CDH8: variants seen among roughly 807,000 people sequenced by gnomAD.
CDH8 encodes the protein cadherin 8.
In CDH8, 17 loss-of-function variants were observed where a neutral mutation model predicts 68.1. The ratio of observed to expected loss-of-function variants is 0.25; its 90% CI spans 0.17 to 0.37. The LOEUF is 0.37. Ranked by LOEUF, CDH8 falls within the 10% of genes least tolerant of loss-of-function variation. The probability of loss-of-function intolerance (pLI) is 1.00; values close to 1 mark genes in which losing one functional copy is unlikely to be tolerated. For missense variants in CDH8, 763 were observed against 999.3 expected (o/e 0.76, Z 3.19); for synonymous variants, 372 against 365.1 (o/e 1.02, Z -0.21).
intron 8 of CDH8, among the ~76,000 whole-genome samples, chr16:61,776,858 T>C (rs1344524675): frequency 6.6e-6 from 1 of 152,080 alleles, no homozygotes; most frequent in African/African-American, 2.4e-5. Flanking sequence ...TGTACTAGGC[T>C]TAATACTTCA....
chr16:61,847,406 T>C (rs989301725), intron 4 of CDH8, among the ~76,000 whole-genome samples: 18 of 151,798 alleles, frequency 1.2e-4, no homozygotes, highest in Non-Finnish European at 2.4e-4. Context: ...AGGAAACAAA[T>C]TGAGTATTTT....
intron 8 of CDH8, among the ~76,000 whole-genome samples, chr16:61,774,481 A>C (rs2142990019): frequency 6.6e-6 from 1 of 150,462 alleles, no homozygotes; most frequent in African/African-American, 2.4e-5. Flanking sequence ...AAAAAAAGAC[A>C]TAAAGATCCA....
chr16:62,033,280 C>A (rs1035619519), intron 1 of CDH8, among the ~76,000 whole-genome samples: 1 of 152,148 alleles, frequency 6.6e-6, no homozygotes, highest in African/African-American at 2.4e-5. Flanking sequence ...CTGTGTTGAC[C>A]ACAGTTCTAC....
intron 2 of CDH8, among the ~76,000 whole-genome samples, chr16:61,929,447 T>C (rs1381272539): frequency 6.6e-6 from 1 of 152,128 alleles, no homozygotes; most frequent in Non-Finnish European, 1.5e-5. Flanking sequence ...TCAGAAAGGG[T>C]TGGCTGTTCG....
intron 8 of CDH8, among the ~76,000 whole-genome samples, chr16:61,782,494 C>A (rs1167830523): frequency 6.6e-6 from 1 of 152,086 alleles, no homozygotes; most frequent in Non-Finnish European, 1.5e-5. Context: ...AACTGCAAGG[C>A]AGCAGCGAGG....
chr16:61,959,757 A>G (rs1455030137), intron 2 of CDH8, among the ~76,000 whole-genome samples: 2 of 150,076 alleles, frequency 1.3e-5, no homozygotes, highest in African/African-American at 2.5e-5. Context: ...CTATATATCT[A>G]TATATACACA....
chr16:61,680,451 A>C (rs1185430368), intron 10 of CDH8, among the ~76,000 whole-genome samples: 1 of 151,918 alleles, frequency 6.6e-6, no homozygotes, highest in Non-Finnish European at 1.5e-5. Flanking sequence ...TTGAAAATAC[A>C]ACCATTTCTG....
chr16:61,683,359 C>A (rs532500425), intron 10 of CDH8, among the ~76,000 whole-genome samples: 2 of 151,878 alleles, frequency 1.3e-5, no homozygotes, highest in African/African-American at 4.8e-5. Context: ...GTAAATGTTA[C>A]CCATGATTTA....
intron 10 of CDH8, among the ~76,000 whole-genome samples, chr16:61,673,270 C>T (rs1963834470): frequency 6.6e-6 from 1 of 152,050 alleles, no homozygotes; most frequent in Non-Finnish European, 1.5e-5. Flanking sequence ...TTTTCTTCCT[C>T]ACAGAATTCT....
chr16:61,984,032 C>T (rs906943133), intron 2 of CDH8, among the ~76,000 whole-genome samples: 24 of 152,218 alleles, frequency 1.6e-4, no homozygotes, highest in African/African-American at 4.8e-4. Context: ...ATTCCTCTGC[C>T]TTAGCCTCCT....
intron 7 of CDH8, among the ~76,000 whole-genome samples, chr16:61,793,855 T>G (rs1321357773): frequency 6.6e-6 from 1 of 152,086 alleles, no homozygotes; most frequent in Non-Finnish European, 1.5e-5. Context: ...GTTGAACTAA[T>G]TCATATTCCC....
At chr16:61,827,689 T>C (rs1246586677) in intron 4 of CDH8, among the ~76,000 whole-genome samples, 1 of 151,814 alleles carries the variant, frequency 6.6e-6, no homozygotes, top group African/African-American at 2.4e-5. Context: ...AAATGCTCCA[T>C]GGGACTTCAT....
intron 3 of CDH8, among the ~76,000 whole-genome samples, chr16:61,870,173 T>G (rs1963330079): frequency 6.6e-6 from 1 of 152,194 alleles, no homozygotes; most frequent in Non-Finnish European, 1.5e-5. Flanking sequence ...ACATCTTGTT[T>G]TTATCACAAA....
At chr16:61,784,263 CA>C (rs1051497765) in intron 8 of CDH8, among the ~76,000 whole-genome samples, 1 of 151,098 alleles carries the variant, frequency 6.6e-6, no homozygotes, top group East Asian at 1.9e-4. Context: ...AAATGGAAAA[CA>C]AAAAAAGGCA....
chr16:61,820,932 T>C lies in CDH8; in HGVS notation c.1017A>G (p.Leu339=), dbSNP rs1454060875. 1 of 1,609,708 alleles carries C rather than the reference T, an allele frequency of 6.2e-7. No homozygotes were observed. The highest frequency in any genetic ancestry group is 1.7e-5 in the Admixed American group (1 of 59,332). The part of the protein sequence containing the change: ...DAQAQDGIIR[L]RKPLDFETKK... ...AAAAGCTTCCTTAGCTTACTTTTCT[T>C]AGCCTTATAATGCCATCCTGGGCCT... The change falls in exon 6 of 12, where the codon CTA becomes CTG. Residue 339 remains leucine (L), a synonymous_variant. Coordinates refer to ENST00000577390, the MANE Select transcript of CDH8 (RefSeq NM_001796.5).
chr16:61,978,394 G>C (rs997146948), intron 2 of CDH8, among the ~76,000 whole-genome samples: 1 of 152,186 alleles, frequency 6.6e-6, no homozygotes, highest in African/African-American at 2.4e-5. Flanking sequence ...TGCTGTTGCT[G>C]ATATTGGTAA....
chr16:61,740,970 T>C (rs900391312), intron 8 of CDH8, among the ~76,000 whole-genome samples: 2 of 152,176 alleles, frequency 1.3e-5, no homozygotes, highest in African/African-American at 4.8e-5. Context: ...CCAAATATTT[T>C]TCTAATGTGG....
At chr16:61,697,782 TG>T (rs1294527791) in intron 10 of CDH8, among the ~76,000 whole-genome samples, 2 of 152,228 alleles carry the variant, frequency 1.3e-5, no homozygotes, top group Non-Finnish European at 2.9e-5. Context: ...TAAGCCATTG[TG>T]GCCAGCCCCT....
chr16:61,878,628 A>T (rs939202819), intron 3 of CDH8, among the ~76,000 whole-genome samples: 4 of 152,220 alleles, frequency 2.6e-5, no homozygotes, highest in Admixed American at 6.6e-5. Flanking sequence ...GATGTTGATA[A>T]TAATAATATA....
Sources: gnomAD v4.1 joint callset for allele counts (sites outside exome capture counted in the v4.1 genomes callset) on GRCh38, gnomAD v4.1.1 for gene constraint, MANE v1.5 for transcripts, NCBI Gene and HGNC (gene_info 2026-07-23, HGNC 2026-07-21) for gene names.